CCDC175: variants seen among roughly 807,000 people sequenced by gnomAD.
CCDC175 encodes coiled-coil domain-containing protein 175.
Under a neutral mutation model 114.6 loss-of-function variants are expected in CCDC175, and 100 were observed. The observed-to-expected ratio is 0.87, with a 90% CI of 0.74 to 1.03. The LOEUF is 1.03. Among genes scored for constraint, CCDC175 ranks in the 50% least tolerant of loss-of-function variants. The pLI is 0.00. For synonymous variants in CCDC175, 306 were observed against 308.7 expected, an observed-to-expected ratio of 0.99 and a Z score of 0.09; for missense variants, 880 against 917.8, an observed-to-expected ratio of 0.96 and a Z score of 0.53.
intron 9 of CCDC175, among the ~76,000 whole-genome samples, chr14:59,544,652 A>C (rs1419857302): frequency 6.6e-6 from 1 of 152,226 alleles, no homozygotes; most frequent in South Asian, 2.1e-4. Context: ...AATCAAGTAC[A>C]GGCATTGCTT....
intron 8 of CCDC175, among the ~76,000 whole-genome samples, chr14:59,549,938 C>T (rs1403538824): frequency 6.6e-6 from 1 of 151,712 alleles, no homozygotes. Context: ...TTTAGAGGGA[C>T]TCTTGCTCTG....
intron 9 of CCDC175, among the ~76,000 whole-genome samples, chr14:59,544,634 A>C (rs899614124): frequency 4.6e-5 from 7 of 152,200 alleles, no homozygotes; most frequent in African/African-American, 1.7e-4. Flanking sequence ...TCTATATTTG[A>C]ATTTAAAAAT....
chr14:59,561,045 A>G (rs922586897), intron 7 of CCDC175, 74 bp downstream of exon 7: 1 of 662,586 alleles, frequency 1.5e-6, no homozygotes, highest in Non-Finnish European at 2.4e-6. Flanking sequence ...AAATGAAAAC[A>G]TAGCATATTA....
intron 6 of CCDC175, among the ~76,000 whole-genome samples, chr14:59,561,983 T>C (rs1896246381): frequency 6.6e-6 from 1 of 152,156 alleles, no homozygotes; most frequent in Non-Finnish European, 1.5e-5. Flanking sequence ...GAGATACACC[T>C]GTGGGGAGAA....
chr14:59,533,057 A>C (rs1257851501), intron 13 of CCDC175, among the ~76,000 whole-genome samples: 1 of 152,230 alleles, frequency 6.6e-6, no homozygotes, highest in Non-Finnish European at 1.5e-5. Context: ...TGCACAAGAC[A>C]GCAGACCAGT....
intron 10 of CCDC175, among the ~76,000 whole-genome samples, chr14:59,541,411 C>G (rs1163290980): frequency 6.6e-6 from 1 of 152,162 alleles, no homozygotes; most frequent in African/African-American, 2.4e-5. Context: ...CCCGCCTTTT[C>G]CCTATTAAGT....
intron 14 of CCDC175, among the ~76,000 whole-genome samples, chr14:59,530,599 A>T (rs1894012301): frequency 6.6e-6 from 1 of 152,186 alleles, no homozygotes; most frequent in South Asian, 2.1e-4. Context: ...AAGAAAGTGG[A>T]AAATCATCTG....
chr14:59,533,249 A>G (rs1894173746), intron 13 of CCDC175, among the ~76,000 whole-genome samples: 1 of 152,218 alleles, frequency 6.6e-6, no homozygotes, highest in South Asian at 2.1e-4. Flanking sequence ...CACCAAACCC[A>G]GGGAAGCCCA....
chr14:59,533,251 G>A lies in CCDC175; in HGVS notation c.1624-1341C>T, dbSNP rs549206984. Among the ~76,000 whole-genome samples the A allele has an allele frequency of 2.6e-5, 4 of 152,268 alleles. No homozygotes were observed. In the East Asian group the frequency reaches 7.7e-4, roughly 29 times the overall value. On this transcript the variant is annotated intron_variant, in intron 13 of 19. Transcript: ENST00000537690. ...CACTTAAGAGAGCCACCAAACCCAGGGAAGCCCAATGCCACAGTTTCCCAT... is the reference window on the plus strand; with the variant it reads ...CACTTAAGAGAGCCACCAAACCCAGAGAAGCCCAATGCCACAGTTTCCCAT...
At chr14:59,506,203 G>T (rs765717292) in intron 19 of CCDC175, among the ~76,000 whole-genome samples, 15 of 150,942 alleles carry the variant, frequency 9.9e-5, no homozygotes, top group Non-Finnish European at 1.8e-4. Flanking sequence ...CATCTGGAGA[G>T]ATTTAAAAAA....
chr14:59,576,374 A>T (rs1339154335), intron 1 of CCDC175, among the ~76,000 whole-genome samples: 2 of 152,184 alleles, frequency 1.3e-5, no homozygotes, highest in Non-Finnish European at 2.9e-5. Context: ...TTGTCACCTC[A>T]GTAATTTAAC....
At chr14:59,511,863 AGTC>A (rs748880226) in intron 17 of CCDC175, 60 bp from the exon 18 acceptor site, 1,466 of 1,231,154 alleles carry the variant, frequency 1.2e-3, no homozygotes, top group Non-Finnish European at 1.6e-3. Flanking sequence ...TTTTAATAAA[AGTC>A]GTGTTATTCA....
In CCDC175 at chr14:59,561,218, T is replaced by A; in HGVS notation, c.854A>T (p.Asp285Val). The change falls in exon 7 of 20, where the codon GAT (aspartate) becomes GTT (valine). Residue 285 changes from aspartate (D) to valine (V), a missense_variant. Physicochemically the swap from Asp to Val is radical, Grantham distance 152 (BLOSUM62 -3). Coordinates refer to ENST00000537690, the MANE Select transcript of CCDC175 (RefSeq NM_001164399.2). ...TVTVSAAVLS[D>V]HNLEIARLHE... is the part of the protein sequence containing the mutation. ...TAGTCGTGCTATCTCTAAATTGTGA[T>A]CACTAAGAACCTATTAAAAATTAAA... 2.0e-6 allele frequency: 3 copies of A among 1,528,048 alleles called. No homozygotes were observed. In the East Asian group the frequency reaches 7.4e-5, roughly 37 times the overall value. 94.7% of individuals were successfully genotyped at this position (1,528,048 alleles called of 1,614,324 possible). A position where few individuals can be genotyped will look rare whatever the true frequency, so the allele number is the denominator to read the frequency against.
intron 13 of CCDC175, among the ~76,000 whole-genome samples, chr14:59,535,520 G>T (rs569685412): frequency 6.6e-6 from 1 of 152,108 alleles, no homozygotes; most frequent in Non-Finnish European, 1.5e-5. Context: ...GATACTGACC[G>T]CTTCTTAACA....
At chr14:59,511,535 T>A (rs7152501) in intron 18 of CCDC175, among the ~76,000 whole-genome samples, 3 of 135,524 alleles carry the variant, frequency 2.2e-5, no homozygotes, top group Admixed American at 7.7e-5. Context: ...TAAGATTTCA[T>A]AGTGATATTT....
intron 17 of CCDC175, 148 bp from the exon 18 acceptor site, chr14:59,511,951 G>C: frequency 1.6e-6 from 1 of 617,982 alleles, no homozygotes; most frequent in Non-Finnish European, 2.8e-6. Flanking sequence ...AATTGGACCT[G>C]CCCTCCCACT....
intron 7 of CCDC175, among the ~76,000 whole-genome samples, chr14:59,552,265 C>G (rs138658175): frequency 6.6e-6 from 1 of 152,212 alleles, no homozygotes; most frequent in South Asian, 2.1e-4. Context: ...ACCTCTGAGA[C>G]GAAGCTTGCA....
At chr14:59,520,968 T>C (rs1398575008) in intron 17 of CCDC175, among the ~76,000 whole-genome samples, 1 of 152,232 alleles carries the variant, frequency 6.6e-6, no homozygotes, top group Non-Finnish European at 1.5e-5. Context: ...TGGGTGCATT[T>C]TTTGTATGCA....
chr14:59,538,325 C>T (rs537484899), intron 12 of CCDC175, among the ~76,000 whole-genome samples, 171 bp from the exon 13 acceptor site: 2 of 152,212 alleles, frequency 1.3e-5, no homozygotes, highest in South Asian at 4.2e-4. Context: ...AAATTAAGTT[C>T]TTCACCAAGT....
Sources: allele counts gnomAD v4.1 joint callset (sites outside exome capture counted in the v4.1 genomes callset), GRCh38; gene constraint gnomAD v4.1.1; transcripts MANE v1.5; gene names NCBI Gene and HGNC (gene_info 2026-07-23, HGNC 2026-07-21).